Variants in BTF3L4 observed in about 807,000 individuals in gnomAD.
BTF3L4 encodes transcription factor BTF3 homolog 4.
In BTF3L4, 6 loss-of-function variants were observed where a neutral mutation model predicts 16.8. The observed-to-expected ratio is 0.36, with a 90% CI of 0.20 to 0.71. BTF3L4 has a LOEUF of 0.71. BTF3L4 is among the 30% of genes least tolerant of loss of function. The pLI is 0.58. For synonymous variants in BTF3L4, 39 were observed against 59.8 expected, an observed-to-expected ratio of 0.65 and a Z score of 1.60; for missense variants, 92 against 186.9, an observed-to-expected ratio of 0.49 and a Z score of 2.96.
rs1391988970 is a variant in BTF3L4, at chr1:52,088,082, G to A, written c.*1324G>A. 1 of 152,486 alleles carries A rather than the reference G, an allele frequency of 6.6e-6. No homozygotes were observed. Among genetic ancestry groups the A allele is most frequent in the Non-Finnish European group, 1.5e-5 (1 of 68,028 alleles). 9.4% of individuals were successfully genotyped at this position (152,486 alleles called of 1,614,324 possible). On this transcript the variant is annotated 3_prime_UTR_variant, in exon 6 of 6. Transcript: ENST00000313334. ...GCTGTCTAATAGAAGCTTACTTTTTGCTATATCAGCATTTGTTACAGCCAA... is the reference window on the plus strand; with the variant it reads ...GCTGTCTAATAGAAGCTTACTTTTTACTATATCAGCATTTGTTACAGCCAA...
At chr1:52,080,132 A>G (rs1643905195) in intron 3 of BTF3L4, among the ~76,000 whole-genome samples, 1 of 152,040 alleles carries the variant, frequency 6.6e-6, no homozygotes, top group South Asian at 2.1e-4. Flanking sequence ...TCAGCCTCCC[A>G]AAGTGCTGGA....
chr1:52,083,522 T>C lies in BTF3L4; in HGVS notation c.351T>C (p.Ala117=), dbSNP rs760217720. ...ADSLTSLRKL[A]EQFPRQVLDS... ...GTTTAACAAGCCTTAGGAAGTTAGC[T>C]GAACAGTTCCCACGGCAAGGTAGGT... The change falls in exon 4 of 6, where the codon GCT becomes GCC. Residue 117 remains alanine, a synonymous_variant. Transcript: ENST00000313334. 3 of 1,612,788 alleles carry C rather than the reference T, an allele frequency of 1.9e-6. No individual in the cohort carries two copies. The Admixed American group carries it at 5.0e-5, about 27-fold the overall frequency.
At chr1:52,086,658 C>A in intron 5 of BTF3L4, 54 bp from the exon 6 acceptor site, 2 of 1,165,636 alleles carry the variant, frequency 1.7e-6, no homozygotes, top group South Asian at 1.4e-5. Context: ...TTCCATTTAC[C>A]TCTTTTTCCT....
At chr1:52,075,538 A>AG (rs1440238857) in intron 3 of BTF3L4, among the ~76,000 whole-genome samples, 1 of 146,842 alleles carries the variant, frequency 6.8e-6, no homozygotes, top group East Asian at 1.9e-4. Context: ...AAAAAAAAAA[A>AG]CCATATATAT....
chr1:52,079,629 G>A (rs1419821898), intron 3 of BTF3L4, among the ~76,000 whole-genome samples: 3 of 152,006 alleles, frequency 2.0e-5, no homozygotes, highest in East Asian at 1.9e-4. Flanking sequence ...CTATATATCA[G>A]GGTGTAAAAT....
chr1:52,083,845 C>G (rs1204915377), intron 4 of BTF3L4, among the ~76,000 whole-genome samples: 1 of 151,898 alleles, frequency 6.6e-6, no homozygotes, highest in African/African-American at 2.4e-5. Context: ...CATGGTGAAA[C>G]CTCGTCTGTA....
At chr1:52,075,327 T>G (rs1686903301) in intron 3 of BTF3L4, among the ~76,000 whole-genome samples, 2 of 150,048 alleles carry the variant, frequency 1.3e-5, no homozygotes, top group Non-Finnish European at 3.0e-5. Flanking sequence ...GATCACGAGG[T>G]CTGGCCAACA....
At chr1:52,064,698 C>T in intron 2 of BTF3L4, 127 bp from the exon 3 acceptor site, 1 of 555,430 alleles carries the variant, frequency 1.8e-6, no homozygotes, top group Non-Finnish European at 3.2e-6. Context: ...AGTCTTATAA[C>T]ATTAATCATT....
chr1:52,067,829 T>C (rs1686693063), intron 3 of BTF3L4, among the ~76,000 whole-genome samples: 1 of 152,192 alleles, frequency 6.6e-6, no homozygotes, highest in Non-Finnish European at 1.5e-5. Flanking sequence ...GTGAGAGCTG[T>C]CCTGTGCATT....
Position 52,065,559 on chromosome 1 carries a change from C to T in BTF3L4, c.168+621C>T, listed in dbSNP as rs900554891. ...GGGATTACAGGTGTGAACCACCGCGCCCGGCCAGACTTTTTTTTATTATTT... is the reference window on the plus strand; with the variant it reads ...GGGATTACAGGTGTGAACCACCGCGTCCGGCCAGACTTTTTTTTATTATTT... On this transcript the variant is annotated intron_variant, in intron 3 of 5. Coordinates refer to ENST00000313334, the MANE Select transcript of BTF3L4 (RefSeq NM_152265.5). Among the ~76,000 whole-genome samples, 4 of 152,060 alleles carry T rather than the reference C, an allele frequency of 2.6e-5. No individual in the cohort carries two copies. The South Asian group carries it at 6.2e-4, about 24-fold the overall frequency.
rs1265263292 is a variant in BTF3L4, at chr1:52,059,783, T to C, written c.-13-52T>C. 6 of 1,549,240 alleles carry C rather than the reference T, an allele frequency of 3.9e-6. No individual in the cohort carries two copies. The East Asian group carries it at 6.7e-5, about 17-fold the overall frequency. On this transcript the variant is annotated intron_variant, in intron 1 of 5. Coordinates refer to ENST00000313334, the MANE Select transcript of BTF3L4 (RefSeq NM_152265.5). ...AGAAGGTACTGTTGCATAAACAGTT[T>C]GTTAATTTCGGCAAAAGAGTGACTT...
intron 3 of BTF3L4, among the ~76,000 whole-genome samples, chr1:52,067,602 A>G (rs533188404): frequency 6.6e-6 from 1 of 152,218 alleles, no homozygotes; most frequent in Non-Finnish European, 1.5e-5. Flanking sequence ...CATATTAGAA[A>G]AAACAAATCT....
chr1:52,085,967 A>C (rs1044921487), intron 4 of BTF3L4, 145 bp from the exon 5 acceptor site: 26 of 468,712 alleles, frequency 5.5e-5, no homozygotes, highest in African/African-American at 4.6e-4. Flanking sequence ...TCAAGCAAAA[A>C]ATATGAATGG....
At chr1:52,065,068 G>C (rs1686610959) in intron 3 of BTF3L4, 130 bp downstream of exon 3, 2 of 421,204 alleles carry the variant, frequency 4.7e-6, no homozygotes, top group African/African-American at 4.1e-5. Flanking sequence ...GAAGGACTGT[G>C]GCACTTTGAT....
At chr1:52,060,946 A>C (rs1186094258) in intron 2 of BTF3L4, among the ~76,000 whole-genome samples, 5 of 152,214 alleles carry the variant, frequency 3.3e-5, no homozygotes, top group African/African-American at 1.2e-4. Context: ...CCACATCGCC[A>C]TTGTGTATTT....
chr1:52,085,013 CTTTTTTTT>C (rs764763479), intron 4 of BTF3L4, among the ~76,000 whole-genome samples: 11 of 58,516 alleles, frequency 1.9e-4, no homozygotes, highest in Admixed American at 3.2e-4. Context: ...TGAAAAAAAT[CTTTTTTTT>C]TTTTTTTTTT....
At chr1:52,073,563 C>CT (rs964407964) in intron 3 of BTF3L4, among the ~76,000 whole-genome samples, 5 of 149,470 alleles carry the variant, frequency 3.3e-5, no homozygotes, top group African/African-American at 7.4e-5. Flanking sequence ...ATTTAGAATT[C>CT]TTTTTTTTGG....
At chr1:52,057,749 T>G (rs1686410147) in intron 1 of BTF3L4, among the ~76,000 whole-genome samples, 1 of 152,240 alleles carries the variant, frequency 6.6e-6, no homozygotes, top group African/African-American at 2.4e-5. Flanking sequence ...CCTCCCCTAC[T>G]GCCTTGAGCT....
chr1:52,067,875 C>T (rs1454115841), intron 3 of BTF3L4, among the ~76,000 whole-genome samples: 1 of 152,204 alleles, frequency 6.6e-6, no homozygotes, highest in Non-Finnish European at 1.5e-5. Context: ...CCTTCACCCA[C>T]TAGGTGCTGG....
Sources: allele counts gnomAD v4.1 joint callset (sites outside exome capture counted in the v4.1 genomes callset), GRCh38; gene constraint gnomAD v4.1.1; transcripts MANE v1.5; gene names NCBI Gene and HGNC (gene_info 2026-07-23, HGNC 2026-07-21).